The following HHAT variants were observed in gnomAD, a reference collection of about 807,000 sequenced individuals.
The protein encoded by HHAT is hedgehog acyltransferase.
Under a neutral mutation model 70.8 loss-of-function variants are expected in HHAT, and 47 were observed. The ratio of observed to expected loss-of-function variants is 0.66; its 90% CI spans 0.53 to 0.85. The LOEUF (loss-of-function observed/expected upper bound fraction) is 0.85, where lower values mean the gene tolerates loss of function less well. Among genes scored for constraint, HHAT ranks in the 40% least tolerant of loss-of-function variants. The pLI, the probability that HHAT is intolerant of heterozygous loss-of-function variation, is 0.00. For missense variants in HHAT, 609 were observed against 604.8 expected (o/e 1.01, Z -0.07); for synonymous variants, 228 against 247.6 (o/e 0.92, Z 0.74).
intron 9 of HHAT, among the ~76,000 whole-genome samples, chr1:210,558,899 G>A (rs898952026): frequency 7.2e-5 from 11 of 152,222 alleles, no homozygotes; most frequent in African/African-American, 2.7e-4. Flanking sequence ...GGTCACCTTA[G>A]TGCTAATGAT....
rs575940923 is a variant in HHAT, at chr1:210,441,253, T to A, written c.856+22928T>A. On this transcript the variant is annotated intron_variant, in intron 7 of 11. Coordinates refer to ENST00000261458, the MANE Select transcript of HHAT (RefSeq NM_018194.6). ...GTTTCACAAATGCCCATGTTGATTTTAGACAGCAGCAGCTTGTTGAATGGC... is the reference window on the plus strand; with the variant it reads ...GTTTCACAAATGCCCATGTTGATTTAAGACAGCAGCAGCTTGTTGAATGGC... 1.5e-3 allele frequency among the ~76,000 whole-genome samples: 228 copies of A among 152,250 alleles called. 2 individuals carry two copies. The highest frequency in any genetic ancestry group is 1.8e-3 in the Non-Finnish European group (121 of 68,050).
chr1:210,425,661 C>T (rs1446717751), intron 7 of HHAT, among the ~76,000 whole-genome samples: 3 of 151,894 alleles, frequency 2.0e-5, no homozygotes. Context: ...ACATGTGTGG[C>T]CTTATTTCTG....
At chr1:210,647,420 C>G (rs1674280912) in intron 11 of HHAT, among the ~76,000 whole-genome samples, 1 of 152,152 alleles carries the variant, frequency 6.6e-6, no homozygotes, top group Non-Finnish European at 1.5e-5. Flanking sequence ...TCCTTTTCCC[C>G]ATTCCACTGG....
intron 10 of HHAT, among the ~76,000 whole-genome samples, chr1:210,599,026 C>T (rs1187145517): frequency 6.6e-6 from 1 of 152,108 alleles, no homozygotes; most frequent in Non-Finnish European, 1.5e-5. Context: ...CACGCAAATA[C>T]TTGTCAGAGC....
intron 8 of HHAT, among the ~76,000 whole-genome samples, chr1:210,477,490 G>T (rs1289320254): frequency 2.0e-5 from 3 of 152,004 alleles, no homozygotes; most frequent in Non-Finnish European, 4.4e-5. Flanking sequence ...TTGGAGGATT[G>T]CCCACCTGAT....
chr1:210,502,713 C>A (rs565291019), intron 8 of HHAT, among the ~76,000 whole-genome samples: 3 of 152,206 alleles, frequency 2.0e-5, no homozygotes, highest in East Asian at 3.9e-4. Context: ...TGTGATGATG[C>A]TTTGTAAATT....
intron 9 of HHAT, among the ~76,000 whole-genome samples, chr1:210,514,739 G>T (rs2095025474): frequency 6.6e-6 from 1 of 152,168 alleles, no homozygotes; most frequent in South Asian, 2.1e-4. Flanking sequence ...AGAAAAAGCT[G>T]TACAGTCATT....
intron 8 of HHAT, among the ~76,000 whole-genome samples, chr1:210,507,683 T>C (rs1440780821): frequency 1.3e-5 from 2 of 152,036 alleles, no homozygotes; most frequent in African/African-American, 4.8e-5. Flanking sequence ...CTAGAGTTCA[T>C]TGCATTGCTA....
At chr1:210,478,050 TGAAA>T (rs1208559270) in intron 8 of HHAT, among the ~76,000 whole-genome samples, 1 of 152,194 alleles carries the variant, frequency 6.6e-6, no homozygotes, top group African/African-American at 2.4e-5. Flanking sequence ...CTGGTTTTAA[TGAAA>T]AAACTGAGAG....
rs910173029 is a variant in HHAT, at chr1:210,354,295, C to G, written c.91+5229C>G. 2.7e-5 allele frequency among the ~76,000 whole-genome samples: 4 copies of G among 145,606 alleles called. No homozygotes were observed. The South Asian group carries it at 6.6e-4, about 24-fold the overall frequency. Reference sequence around the variant, plus strand: ...TCTCTGCTCACTGTAACCTCTGCCTCCTGGATTCAAGCAATTCTCATGCCT... The same window carrying G: ...TCTCTGCTCACTGTAACCTCTGCCTGCTGGATTCAAGCAATTCTCATGCCT... On this transcript the variant is annotated intron_variant, in intron 2 of 11. Transcript: ENST00000261458.
chr1:210,353,699 T>C (rs2087300082), intron 2 of HHAT, among the ~76,000 whole-genome samples: 1 of 152,142 alleles, frequency 6.6e-6, no homozygotes, highest in Admixed American at 6.6e-5. Context: ...CTTCATTTCC[T>C]CTTTCCACTT....
intron 8 of HHAT, among the ~76,000 whole-genome samples, chr1:210,480,508 C>T (rs2094378168): frequency 6.6e-6 from 1 of 152,206 alleles, no homozygotes; most frequent in Non-Finnish European, 1.5e-5. Flanking sequence ...CTTACATGGG[C>T]AACTCTATGG....
In HHAT at chr1:210,642,781, C is replaced by T. The variant is rs114852125; in HGVS notation, c.1390+19111C>T. Among the ~76,000 whole-genome samples the T allele has an allele frequency of 5.5e-3, 844 of 152,076 alleles. 7 individuals carry two copies. Among genetic ancestry groups the T allele is most frequent in the African/African-American group, 0.019 (794 of 41,458 alleles). On this transcript the variant is annotated intron_variant, in intron 11 of 11. Transcript: ENST00000261458. The stretch of plus-strand genomic sequence containing the variant: ...TTTTATATGTTGTAAATATGTTCTC[C>T]CACTCTGTGGCTTCCATTTTTTACT...
chr1:210,672,198 C>T (rs1680224911), intron 11 of HHAT, among the ~76,000 whole-genome samples: 1 of 152,200 alleles, frequency 6.6e-6, no homozygotes, highest in Non-Finnish European at 1.5e-5. Context: ...TGAACTCATC[C>T]CATTTAAGAG....
rs561591179 is a variant in HHAT at position 210,623,738 on chromosome 1, A to G, written c.1390+68A>G. On this transcript the variant is annotated intron_variant, in intron 11 of 11. Transcript: ENST00000261458. Reference sequence around the variant, plus strand: ...TCCATGTATGCGGATGGGATCATACATGGGATGGATGGGATTTGGGGGAAG... The same window carrying G: ...TCCATGTATGCGGATGGGATCATACGTGGGATGGATGGGATTTGGGGGAAG... 56 of 1,469,572 alleles carry G rather than the reference A, an allele frequency of 3.8e-5. No homozygotes were observed. In the African/African-American group the frequency reaches 5.3e-4, roughly 14 times the overall value. 91.0% of individuals were successfully genotyped at this position (1,469,572 alleles called of 1,614,324 possible). A position where few individuals can be genotyped will look rare whatever the true frequency, so the allele number is the denominator to read the frequency against.
At chr1:210,567,391 C>G in intron 9 of HHAT, among the ~76,000 whole-genome samples, 1 of 152,306 alleles carries the variant, frequency 6.6e-6, no homozygotes, top group East Asian at 1.9e-4. Context: ...TTTTCCTCAT[C>G]TGGAAATTAA....
In HHAT at chr1:210,420,311, C is replaced by T. The variant is rs149685071; in HGVS notation, c.856+1986C>T. ...TTTTTGAGAAGCATTCATGTTAAGA[C>T]ATGTAACTAGGTAGCACTTATTTTC... On this transcript the variant is annotated intron_variant, in intron 7 of 11. Transcript: ENST00000261458. 7.7e-4 allele frequency among the ~76,000 whole-genome samples: 118 copies of T among 152,290 alleles called. 1 individual carries two copies. The highest frequency in any genetic ancestry group is 2.7e-3 in the African/African-American group (112 of 41,542).
chr1:210,466,560 A>ATGCT (rs2094113181), intron 8 of HHAT, among the ~76,000 whole-genome samples: 1 of 152,188 alleles, frequency 6.6e-6, no homozygotes, highest in Admixed American at 6.5e-5. Flanking sequence ...CTCAGTGTGA[A>ATGCT]TGCTTGTACT....
chr1:210,432,753 A>T (rs901218946), intron 7 of HHAT, among the ~76,000 whole-genome samples: 1 of 151,810 alleles, frequency 6.6e-6, no homozygotes, highest in Non-Finnish European at 1.5e-5. Flanking sequence ...GGAGTATAGC[A>T]TGGCAAACAT....
Sources: allele counts gnomAD v4.1 joint callset (sites outside exome capture counted in the v4.1 genomes callset), GRCh38; gene constraint gnomAD v4.1.1; transcripts MANE v1.5; gene names NCBI Gene and HGNC (gene_info 2026-07-23, HGNC 2026-07-21).